The following UBR3 variants were observed in gnomAD, a reference collection of about 807,000 sequenced individuals.
UBR3 encodes the protein E3 ubiquitin-protein ligase UBR3.
UBR3 carries 85 observed loss-of-function variants against 243.2 expected under a neutral mutation model. That is an observed-to-expected ratio of 0.35 (90% CI 0.29 to 0.42). The LOEUF (loss-of-function observed/expected upper bound fraction) is 0.42, where lower values mean the gene tolerates loss of function less well. Ranked by LOEUF, UBR3 falls within the 10% of genes least tolerant of loss-of-function variation. The pLI, the probability that UBR3 is intolerant of heterozygous loss-of-function variation, is 1.00. For missense variants in UBR3, 1,686 were observed against 2,300.8 expected (o/e 0.73, Z 5.47); for synonymous variants, 748 against 799.8 (o/e 0.94, Z 1.09).
At chr2:169,970,144 C>T (rs1415292866) in intron 24 of UBR3, among the ~76,000 whole-genome samples, 1 of 150,842 alleles carries the variant, frequency 6.6e-6, no homozygotes, top group African/African-American at 2.4e-5. Flanking sequence ...GATGTCTGTC[C>T]ATTTTTTGGT....
intron 25 of UBR3, among the ~76,000 whole-genome samples, chr2:169,991,238 A>T (rs555334825): frequency 6.6e-6 from 1 of 152,328 alleles, no homozygotes; most frequent in South Asian, 2.1e-4. Flanking sequence ...GGAGAAATAG[A>T]TACTTCTAAA....
intron 25 of UBR3, among the ~76,000 whole-genome samples, chr2:169,988,381 A>G (rs778020458): frequency 1.3e-5 from 2 of 152,126 alleles, no homozygotes; most frequent in African/African-American, 2.4e-5. Flanking sequence ...TATGTTTTTA[A>G]GTTTATTTGG....
intron 35 of UBR3, among the ~76,000 whole-genome samples, chr2:170,066,609 G>A (rs2091573438): frequency 6.6e-6 from 1 of 152,068 alleles, no homozygotes; most frequent in Admixed American, 6.5e-5. Flanking sequence ...ATGATAGCTA[G>A]CATTTACTAC....
chr2:169,964,878 T>C, intron 24 of UBR3: 1 of 456,952 alleles, frequency 2.2e-6, no homozygotes, highest in Non-Finnish European at 4.4e-6. Flanking sequence ...ATATGATTGC[T>C]AGCAAACAGA....
intron 31 of UBR3, among the ~76,000 whole-genome samples, chr2:170,038,569 C>T (rs943730134): frequency 6.6e-6 from 1 of 152,034 alleles, no homozygotes; most frequent in African/African-American, 2.4e-5. Flanking sequence ...AAGGCAGTGG[C>T]CATAGGGATG....
intron 25 of UBR3, among the ~76,000 whole-genome samples, chr2:169,989,587 G>A (rs1025670280): frequency 3.3e-5 from 5 of 152,010 alleles, no homozygotes; most frequent in Non-Finnish European, 5.9e-5. Flanking sequence ...TTGTTTATTA[G>A]CTGACATATA....
chr2:170,061,809 G>A (rs1018400742), intron 35 of UBR3, among the ~76,000 whole-genome samples: 1 of 152,042 alleles, frequency 6.6e-6, no homozygotes, highest in African/African-American at 2.4e-5. Context: ...TAAATATACT[G>A]GTATGTAGTG....
chr2:170,078,106 C>T, intron 36 of UBR3: 1 of 636,392 alleles, frequency 1.6e-6, no homozygotes, highest in Non-Finnish European at 2.9e-6. Flanking sequence ...TCTTGATGGT[C>T]TTTTTCATTT....
intron 5 of UBR3, among the ~76,000 whole-genome samples, chr2:169,885,834 A>C (rs1288661672): frequency 6.6e-6 from 1 of 152,142 alleles, no homozygotes; most frequent in African/African-American, 2.4e-5. Flanking sequence ...GTTGAAATAA[A>C]AAATCAGAGA....
chr2:169,836,877 G>T (rs1376651017), intron 1 of UBR3, among the ~76,000 whole-genome samples: 1 of 151,992 alleles, frequency 6.6e-6, no homozygotes, highest in East Asian at 1.9e-4. Context: ...TACTCTAGAT[G>T]CTGATCCTTT....
intron 10 of UBR3, among the ~76,000 whole-genome samples, chr2:169,910,962 G>GA (rs2085230765): frequency 6.6e-6 from 1 of 151,944 alleles, no homozygotes; most frequent in African/African-American, 2.4e-5. Context: ...TTATTTATAG[G>GA]AAAAAATGTT....
chr2:169,904,736 A>T (rs996674714), intron 8 of UBR3, among the ~76,000 whole-genome samples: 5 of 152,186 alleles, frequency 3.3e-5, no homozygotes, highest in African/African-American at 7.2e-5. Flanking sequence ...AGGGATAAAA[A>T]TTTTTTATTG....
chr2:169,999,049 A>G (rs1313943526), intron 26 of UBR3, among the ~76,000 whole-genome samples: 3 of 152,198 alleles, frequency 2.0e-5, no homozygotes, highest in African/African-American at 7.2e-5. Context: ...GTTATCCTGC[A>G]TTTTTTGACT....
chr2:169,896,464 TTAAAAC>T, intron 7 of UBR3, 37 bp from the exon 8 acceptor site: 2 of 1,239,144 alleles, frequency 1.6e-6, no homozygotes, highest in Non-Finnish European at 2.2e-6. Context: ...AAATTAAAAA[TTAAAAC>T]TAATGTGTTT....
intron 33 of UBR3, among the ~76,000 whole-genome samples, 153 bp from the exon 34 acceptor site, chr2:170,060,926 G>A (rs2091443699): frequency 6.6e-6 from 1 of 152,088 alleles, no homozygotes; most frequent in African/African-American, 2.4e-5. Context: ...GAATCCAGAG[G>A]TGTACAGTTT....
At chr2:169,959,701 A>G (rs2105368289) in intron 24 of UBR3, among the ~76,000 whole-genome samples, 1 of 152,284 alleles carries the variant, frequency 6.6e-6, no homozygotes, top group East Asian at 1.9e-4. Context: ...CTAGTACCAT[A>G]GTTCATTCCA....
intron 11 of UBR3, among the ~76,000 whole-genome samples, chr2:169,920,240 C>G (rs1402056008): frequency 6.6e-6 from 1 of 152,140 alleles, no homozygotes; most frequent in African/African-American, 2.4e-5. Context: ...ACCGCATGTT[C>G]TCACTCATAG....
intron 1 of UBR3, among the ~76,000 whole-genome samples, chr2:169,852,758 G>A (rs2082698603): frequency 6.8e-6 from 1 of 147,340 alleles, no homozygotes; most frequent in African/African-American, 2.5e-5. Flanking sequence ...GGCTGAGGCC[G>A]GAGAATGGCT....
intron 35 of UBR3, among the ~76,000 whole-genome samples, chr2:170,068,934 G>T (rs72876456): frequency 2.0e-5 from 3 of 152,096 alleles, no homozygotes; most frequent in African/African-American, 7.2e-5. Context: ...CTGAATATAT[G>T]TATATCAAGT....
Sources: allele counts gnomAD v4.1 joint callset (sites outside exome capture counted in the v4.1 genomes callset), GRCh38; gene constraint gnomAD v4.1.1; transcripts MANE v1.5; gene names NCBI Gene and HGNC (gene_info 2026-07-23, HGNC 2026-07-21).